Variants in ARHGAP6 observed in about 807,000 individuals in gnomAD.
ARHGAP6 encodes Rho GTPase activating protein 6.
Under a neutral mutation model 55.7 loss-of-function variants are expected in ARHGAP6, and 16 were observed. The ratio of observed to expected loss-of-function variants is 0.29; its 90% CI spans 0.19 to 0.44. The LOEUF (loss-of-function observed/expected upper bound fraction) is 0.44. ARHGAP6 is among the 20% of genes least tolerant of loss of function. The pLI, the probability that ARHGAP6 is intolerant of heterozygous loss-of-function variation, is 1.00. For synonymous variants in ARHGAP6, 382 were observed against 360.9 expected, an observed-to-expected ratio of 1.06 and a Z score of -0.66; for missense variants, 698 against 808.9, an observed-to-expected ratio of 0.86 and a Z score of 1.66.
At chrX:11,484,410 T>C (rs1307239502) in intron 1 of ARHGAP6, among the ~76,000 whole-genome samples, 1 of 91,506 alleles carries the variant, frequency 1.1e-5, no homozygotes, top group Admixed American at 1.3e-4. Flanking sequence ...AGAAGGAAGA[T>C]GATAATGAAG....
At chrX:11,310,643 A>G (rs774122622) in intron 1 of ARHGAP6, among the ~76,000 whole-genome samples, 1 of 111,891 alleles carries the variant, frequency 8.9e-6, no homozygotes, top group Admixed American at 9.5e-5. Flanking sequence ...TTCCCCAATT[A>G]CACCAGGCTC....
intron 1 of ARHGAP6, among the ~76,000 whole-genome samples, chrX:11,458,947 G>C (rs1408476310): frequency 9.0e-6 from 1 of 111,069 alleles, no homozygotes; most frequent in Non-Finnish European, 1.9e-5. Flanking sequence ...GATGGGGTGG[G>C]GTGAGGAAGC....
intron 1 of ARHGAP6, among the ~76,000 whole-genome samples, chrX:11,567,775 C>T (rs1014881635): frequency 1.8e-5 from 2 of 109,300 alleles, no homozygotes; most frequent in Non-Finnish European, 3.8e-5. Flanking sequence ...CTGAGGCGAC[C>T]CTCCATTCTC....
In ARHGAP6 at chrX:11,265,685, C is replaced by T. The variant is rs1370505521; in HGVS notation, c.589-10978G>A. 7 of 865,553 alleles carry T rather than the reference C, an allele frequency of 8.1e-6. No homozygotes were observed. The East Asian group carries it at 8.0e-4, about 99-fold the overall frequency. 71.3% of individuals were successfully genotyped at this position (865,553 alleles called of 1,213,427 possible). On this transcript the variant is annotated intron_variant, in intron 1 of 12. Coordinates refer to ENST00000337414, the MANE Select transcript of ARHGAP6 (RefSeq NM_013427.3). ...TAAGTATAGATATTTATATTGCTTA[C>T]CCATAAATTATAATCAGCCGCGTCT... is the stretch of plus-strand genomic sequence containing the variant.
At chrX:11,319,128 T>TTCTATATCTATATCTATA (rs201917913) in intron 1 of ARHGAP6, among the ~76,000 whole-genome samples, 18 of 112,022 alleles carry the variant, frequency 1.6e-4, no homozygotes, top group Admixed American at 1.0e-3. Context: ...AACTCCACAT[T>TTCTATATCTATATCTATA]TCTATATCTA....
At chrX:11,206,908 G>A (rs1364960211) in intron 2 of ARHGAP6, among the ~76,000 whole-genome samples, 3 of 111,614 alleles carry the variant, frequency 2.7e-5, no homozygotes, top group Admixed American at 9.5e-5. Flanking sequence ...AATCCCATAT[G>A]GTTAGAAATG....
intron 5 of ARHGAP6, among the ~76,000 whole-genome samples, chrX:11,183,178 G>C (rs1464505713): frequency 9.0e-6 from 1 of 110,894 alleles, no homozygotes; most frequent in Non-Finnish European, 1.9e-5. Context: ...CACCACTAAA[G>C]AACTTACTCA....
At chrX:11,152,403 C>T (rs948847925) in intron 10 of ARHGAP6, among the ~76,000 whole-genome samples, 39 of 111,827 alleles carry the variant, frequency 3.5e-4, no homozygotes, top group African/African-American at 1.3e-3. Context: ...TATAATTTAG[C>T]CTTACAGTAA....
intron 1 of ARHGAP6, among the ~76,000 whole-genome samples, chrX:11,603,898 A>G (rs2052005357): frequency 8.9e-6 from 1 of 112,020 alleles, no homozygotes; most frequent in Non-Finnish European, 1.9e-5. Flanking sequence ...AAAAATGCTA[A>G]CCCAAATTGT....
intron 2 of ARHGAP6, among the ~76,000 whole-genome samples, chrX:11,232,393 G>A (rs1007612947): frequency 2.7e-5 from 3 of 111,033 alleles, no homozygotes; most frequent in African/African-American, 6.6e-5. Context: ...GGCTGAGGCC[G>A]GCAGATCACC....
chrX:11,174,520 TC>T (rs1445734978), intron 8 of ARHGAP6, among the ~76,000 whole-genome samples: 2,062 of 43,077 alleles, frequency 0.048, 57 homozygotes, highest in African/African-American at 0.16. Context: ...TTTCTTTCTT[TC>T]CTTCCTTCCT....
chrX:11,491,387 C>A (rs187229210), intron 1 of ARHGAP6, among the ~76,000 whole-genome samples: 1 of 108,837 alleles, frequency 9.2e-6, no homozygotes, highest in African/African-American at 3.4e-5. Context: ...CAACAGTCCC[C>A]AGAGTGTGAT....
At chrX:11,437,217 C>CA (rs1383518230) in intron 1 of ARHGAP6, among the ~76,000 whole-genome samples, 1 of 111,987 alleles carries the variant, frequency 8.9e-6, no homozygotes, top group African/African-American at 3.2e-5. Flanking sequence ...TACCATCAGC[C>CA]AGAGAGGCTG....
At chrX:11,632,682 C>T (rs1204468730) in intron 1 of ARHGAP6, among the ~76,000 whole-genome samples, 1 of 112,424 alleles carries the variant, frequency 8.9e-6, no homozygotes, top group Non-Finnish European at 1.9e-5. Flanking sequence ...TAAGACCCAG[C>T]AGGAACTGAG....
At chrX:11,608,316 T>C (rs778901086) in intron 1 of ARHGAP6, among the ~76,000 whole-genome samples, 35 of 112,096 alleles carry the variant, frequency 3.1e-4, no homozygotes, top group Non-Finnish European at 5.3e-4. Flanking sequence ...AATAATTTTT[T>C]CTGCAAAATT....
At chrX:11,449,529 C>T (rs2050124168) in intron 1 of ARHGAP6, among the ~76,000 whole-genome samples, 1 of 112,235 alleles carries the variant, frequency 8.9e-6, no homozygotes, top group African/African-American at 3.2e-5. Flanking sequence ...GCCTCCTCTA[C>T]ACCCACAGGC....
At chrX:11,287,073 T>A (rs943292559) in intron 1 of ARHGAP6, among the ~76,000 whole-genome samples, 6 of 110,564 alleles carry the variant, frequency 5.4e-5, no homozygotes, top group African/African-American at 2.0e-4. Flanking sequence ...TTATAGCATA[T>A]AATTATGTAT....
chrX:11,579,573 T>C (rs1478037512), intron 1 of ARHGAP6, among the ~76,000 whole-genome samples: 1 of 112,226 alleles, frequency 8.9e-6, no homozygotes, highest in Non-Finnish European at 1.9e-5. Context: ...CAATTTCCCA[T>C]AGTCCTTCTT....
intron 2 of ARHGAP6, among the ~76,000 whole-genome samples, chrX:11,218,339 C>T (rs940838040): frequency 2.1e-4 from 24 of 111,738 alleles, no homozygotes; most frequent in African/African-American, 5.2e-4. Flanking sequence ...TCTTCGTAAC[C>T]ATGAGCATGG....
Sources: gnomAD v4.1 joint callset for allele counts (sites outside exome capture counted in the v4.1 genomes callset) on GRCh38, gnomAD v4.1.1 for gene constraint, MANE v1.5 for transcripts, NCBI Gene and HGNC (gene_info 2026-07-23, HGNC 2026-07-21) for gene names.